Variants in CTNND2 observed in about 807,000 individuals in gnomAD.
CTNND2 encodes the protein catenin delta-2.
In CTNND2, 22 loss-of-function variants were observed where a neutral mutation model predicts 144.4. The observed-to-expected ratio is 0.15, with a 90% CI of 0.11 to 0.22. The LOEUF is 0.22. CTNND2 is among the 10% of genes least tolerant of loss of function. CTNND2 has a pLI of 1.00. For missense variants in CTNND2, 1,353 were observed against 1,618.8 expected, an observed-to-expected ratio of 0.84 and a Z score of 2.82; for synonymous variants, 751 against 695.6, an observed-to-expected ratio of 1.08 and a Z score of -1.25.
chr5:11,388,260 T>C (rs922020456), intron 6 of CTNND2, among the ~76,000 whole-genome samples: 3 of 152,346 alleles, frequency 2.0e-5, no homozygotes, highest in South Asian at 4.1e-4. Flanking sequence ...CATTATCAAC[T>C]AGAGCACCTT....
At chr5:11,587,204 T>A (rs1778931017) in intron 2 of CTNND2, among the ~76,000 whole-genome samples, 1 of 152,122 alleles carries the variant, frequency 6.6e-6, no homozygotes, top group South Asian at 2.1e-4. Context: ...TCAGCAAAAT[T>A]ATTAAATTAC....
chr5:11,888,926 A>AT (rs1736760742), intron 1 of CTNND2, among the ~76,000 whole-genome samples: 1 of 151,720 alleles, frequency 6.6e-6, no homozygotes, highest in African/African-American at 2.4e-5. Flanking sequence ...TAATTTTTCT[A>AT]TTTTTAGTAG....
At chr5:11,112,587 G>C (rs2149687189) in intron 13 of CTNND2, among the ~76,000 whole-genome samples, 1 of 152,102 alleles carries the variant, frequency 6.6e-6, no homozygotes, top group East Asian at 2.0e-4. Flanking sequence ...GTGGTCATTG[G>C]TTATGACAGC....
intron 2 of CTNND2, among the ~76,000 whole-genome samples, chr5:11,570,139 C>T (rs1777446337): frequency 6.6e-6 from 1 of 152,160 alleles, no homozygotes; most frequent in African/African-American, 2.4e-5. Context: ...ACCCCAAACT[C>T]CTCCGATTTG....
chr5:11,650,591 G>T (rs150659201), intron 2 of CTNND2, among the ~76,000 whole-genome samples: 2 of 152,286 alleles, frequency 1.3e-5, no homozygotes, highest in East Asian at 3.9e-4. Flanking sequence ...TTATATTGTT[G>T]TGACCAAAAT....
intron 3 of CTNND2, among the ~76,000 whole-genome samples, chr5:11,424,220 C>T (rs960283412): frequency 1.3e-5 from 2 of 152,114 alleles, no homozygotes; most frequent in Non-Finnish European, 2.9e-5. Flanking sequence ...GTGAAACATG[C>T]AACAACTCTC....
intron 11 of CTNND2, among the ~76,000 whole-genome samples, chr5:11,181,558 C>T (rs1222741253): frequency 1.3e-5 from 2 of 152,090 alleles, no homozygotes; most frequent in Non-Finnish European, 2.9e-5. Context: ...ACAAAGAAGT[C>T]GGGGATAGTA....
At chr5:11,777,438 A>G (rs1408170365) in intron 1 of CTNND2, among the ~76,000 whole-genome samples, 1 of 152,228 alleles carries the variant, frequency 6.6e-6, no homozygotes, top group Admixed American at 6.5e-5. Flanking sequence ...TTCAATGTTT[A>G]TATTCATACT....
At chr5:11,466,003 A>G (rs1003616827) in intron 3 of CTNND2, among the ~76,000 whole-genome samples, 1 of 152,122 alleles carries the variant, frequency 6.6e-6, no homozygotes, top group Non-Finnish European at 1.5e-5. Context: ...TTTCTAACTT[A>G]AAAAAACAAA....
At chr5:11,428,016 C>G (rs928881885) in intron 3 of CTNND2, among the ~76,000 whole-genome samples, 31 of 152,268 alleles carry the variant, frequency 2.0e-4, no homozygotes, top group African/African-American at 7.5e-4. Flanking sequence ...GAAGCAAAAG[C>G]AGAAACCCCT....
intron 3 of CTNND2, among the ~76,000 whole-genome samples, chr5:11,443,025 T>C (rs1047033463): frequency 6.7e-6 from 1 of 149,876 alleles, no homozygotes; most frequent in South Asian, 2.1e-4. Context: ...TTGGTTTCTA[T>C]TGGCATTTTA....
chr5:11,041,426 C>T (rs562040865), intron 16 of CTNND2, among the ~76,000 whole-genome samples: 1 of 152,284 alleles, frequency 6.6e-6, no homozygotes, highest in South Asian at 2.1e-4. Flanking sequence ...GAGCTGTCTC[C>T]TGAGCTTTGG....
intron 3 of CTNND2, among the ~76,000 whole-genome samples, chr5:11,420,988 A>G (rs1762319790): frequency 6.6e-6 from 1 of 151,872 alleles, no homozygotes; most frequent in Admixed American, 6.6e-5. Flanking sequence ...TTTCTACCCC[A>G]CCTTAACTCT....
At chr5:11,520,247 T>G (rs949211630) in intron 3 of CTNND2, among the ~76,000 whole-genome samples, 1 of 152,170 alleles carries the variant, frequency 6.6e-6, no homozygotes, top group Non-Finnish European at 1.5e-5. Flanking sequence ...TTTGTCTGCA[T>G]GCTGCACCCC....
At chr5:11,061,060 A>G (rs899539167) in intron 16 of CTNND2, among the ~76,000 whole-genome samples, 5 of 151,894 alleles carry the variant, frequency 3.3e-5, no homozygotes, top group Non-Finnish European at 4.4e-5. Flanking sequence ...GTCCCCTTTC[A>G]TGTCTCACAG....
At chr5:11,172,509 A>C (rs1215204900) in intron 11 of CTNND2, among the ~76,000 whole-genome samples, 1 of 152,216 alleles carries the variant, frequency 6.6e-6, no homozygotes, top group Non-Finnish European at 1.5e-5. Flanking sequence ...ACCACTAAAG[A>C]ATTCAATCTC....
chr5:11,423,663 AACTC>A (rs1349975096), intron 3 of CTNND2, among the ~76,000 whole-genome samples: 1 of 152,112 alleles, frequency 6.6e-6, no homozygotes, highest in Non-Finnish European at 1.5e-5. Context: ...TACATGTGTG[AACTC>A]ACTCCTCTGT....
chr5:11,442,908 A>C (rs1474761139), intron 3 of CTNND2, among the ~76,000 whole-genome samples: 9 of 147,148 alleles, frequency 6.1e-5, no homozygotes, highest in Non-Finnish European at 1.0e-4. Context: ...ATTAGTGAAA[A>C]GCACTAAAAT....
intron 16 of CTNND2, among the ~76,000 whole-genome samples, chr5:11,040,444 T>C (rs1051073874): frequency 6.6e-5 from 10 of 152,214 alleles, no homozygotes; most frequent in Admixed American, 2.0e-4. Flanking sequence ...AGAGTTGTTA[T>C]ACTCAAATAA....
Sources: allele counts gnomAD v4.1 joint callset (sites outside exome capture counted in the v4.1 genomes callset), GRCh38; gene constraint gnomAD v4.1.1; transcripts MANE v1.5; gene names NCBI Gene and HGNC (gene_info 2026-07-23, HGNC 2026-07-21).